TMCC3: variants seen among roughly 807,000 people sequenced by gnomAD.
TMCC3 encodes the protein transmembrane and coiled-coil domain family 3.
Under a neutral mutation model 40.2 loss-of-function variants are expected in TMCC3, and 28 were observed. The observed-to-expected ratio is 0.70, with a 90% confidence interval of 0.52 to 0.95. TMCC3 has a LOEUF of 0.95. Ranked by LOEUF, TMCC3 falls within the 40% of genes least tolerant of loss-of-function variation. The pLI is 0.00. For missense variants in TMCC3, 554 were observed against 615.2 expected, an observed-to-expected ratio of 0.90 and a Z score of 1.05; for synonymous variants, 255 against 248.5, an observed-to-expected ratio of 1.03 and a Z score of -0.25.
intron 1 of TMCC3, among the ~76,000 whole-genome samples, chr12:94,624,287 C>T (rs1205582015): frequency 1.3e-5 from 2 of 152,192 alleles, no homozygotes; most frequent in South Asian, 4.2e-4. Context: ...AGGTATGTAC[C>T]CAAGAGAAAT....
intron 1 of TMCC3, chr12:94,591,078 T>G (rs963575329): frequency 5.9e-6 from 3 of 505,140 alleles, no homozygotes; most frequent in African/African-American, 5.9e-5. Flanking sequence ...CAATGCTCTT[T>G]GTCCTGGGAG....
At chr12:94,597,136 T>A (rs1488936366) in intron 1 of TMCC3, among the ~76,000 whole-genome samples, 1 of 11,322 alleles carries the variant, frequency 8.8e-5, no homozygotes, top group African/African-American at 2.0e-4. Flanking sequence ...TATATATATA[T>A]ATATATATAT....
chr12:94,637,172 T>C (rs2068964920), intron 1 of TMCC3, among the ~76,000 whole-genome samples: 1 of 152,180 alleles, frequency 6.6e-6, no homozygotes, highest in Admixed American at 6.5e-5. Flanking sequence ...AGAACATACA[T>C]ATAAACAGCT....
chr12:94,607,606 A>T (rs2068791442), intron 1 of TMCC3, among the ~76,000 whole-genome samples: 1 of 152,146 alleles, frequency 6.6e-6, no homozygotes, highest in East Asian at 1.9e-4. Flanking sequence ...GGGTTTCACC[A>T]TGTTGGCCAG....
At chr12:94,631,219 C>A (rs577926597) in intron 1 of TMCC3, among the ~76,000 whole-genome samples, 20 of 152,190 alleles carry the variant, frequency 1.3e-4, no homozygotes, top group Non-Finnish European at 2.8e-4. Flanking sequence ...TATGGAACCT[C>A]TCCCTAGAAA....
At chr12:94,640,736 C>A (rs759754229) in intron 1 of TMCC3, among the ~76,000 whole-genome samples, 2 of 152,194 alleles carry the variant, frequency 1.3e-5, no homozygotes, top group African/African-American at 4.8e-5. Context: ...GGTTTCCCAA[C>A]ACCGCTTCTA....
chr12:94,617,177 C>T (rs1023497115), intron 1 of TMCC3, among the ~76,000 whole-genome samples: 4 of 152,200 alleles, frequency 2.6e-5, no homozygotes, highest in Non-Finnish European at 1.5e-5. Context: ...GAATTTTCAG[C>T]CTCAGACATG....
chr12:94,629,079 A>C (rs1446991742), intron 1 of TMCC3, among the ~76,000 whole-genome samples: 1 of 152,198 alleles, frequency 6.6e-6, no homozygotes, highest in Non-Finnish European at 1.5e-5. Context: ...GAGTCAAATC[A>C]AAGAACCTAG....
chr12:94,578,399 T>C lies in TMCC3; in HGVS notation c.1126A>G (p.Ile376Val). The C allele has an allele frequency of 6.2e-7, 1 of 1,613,762 alleles. No homozygotes were observed. The highest frequency in any genetic ancestry group is 1.7e-4 in the Middle Eastern group (1 of 6,056). Residue 376 changes from isoleucine to valine, a missense_variant, in exon 3 of 4, where the codon ATC becomes GTC. Coordinates refer to ENST00000261226, the MANE Select transcript of TMCC3 (RefSeq NM_020698.4). The stretch of plus-strand genomic sequence containing the variant: ...AATCACAAAGGGAAAGGTACCTGGA[T>C]GTCCCGCGAGCGCTCGTAGGCCTGG... ...AYQAYERSRD[I>V]QEALESCQTR...
chr12:94,619,771 TGGGAGGAAC>T (rs2068865520), intron 1 of TMCC3, among the ~76,000 whole-genome samples: 1 of 152,224 alleles, frequency 6.6e-6, no homozygotes, highest in Admixed American at 6.5e-5. Context: ...AACATCATCC[TGGGAGGAAC>T]TTAAATCGCA....
Position 94,582,057 on chromosome 12 carries a change from C to T in TMCC3, c.560G>A (p.Gly187Asp). The T allele has an allele frequency of 6.2e-7, 1 of 1,614,168 alleles. No homozygotes were observed. The stretch of plus-strand genomic sequence containing the variant: ...TGGAGTAAGTGAGACCCCTGGCATG[C>T]CCGATTTGCTGCTCTCCATGCAATG... ...APHCMESSKS[G>D]MPGVSLTPPV... Residue 187 changes from glycine (G) to aspartate (D), a missense_variant, in exon 2 of 4, where the codon GGC (glycine) becomes GAC (aspartate). Coordinates refer to ENST00000261226, the MANE Select transcript of TMCC3 (RefSeq NM_020698.4).
intron 1 of TMCC3, among the ~76,000 whole-genome samples, chr12:94,648,800 C>T (rs1161494673): frequency 6.6e-6 from 1 of 152,224 alleles, no homozygotes; most frequent in Non-Finnish European, 1.5e-5. Flanking sequence ...GCTAAGATTA[C>T]TAATCTTGTT....
chr12:94,571,657 G>A lies in TMCC3; in HGVS notation c.1212C>T (p.Thr404=), dbSNP rs1324542089. Residue 404 remains threonine, a synonymous_variant, in exon 4 of 4, where the codon ACC becomes ACT. Coordinates refer to ENST00000261226, the MANE Select transcript of TMCC3 (RefSeq NM_020698.4). Reference sequence around the variant, plus strand: ...TCCCCAGGAGAACTTTAGCATTCACGGTGTCTGTCTGCAGAGCTTGCTGCT... The same window carrying A: ...TCCCCAGGAGAACTTTAGCATTCACAGTGTCTGTCTGCAGAGCTTGCTGCT... The part of the protein sequence containing the change: ...QQEQQALQTD[T]VNAKVLLGRC... The A allele has an allele frequency of 6.2e-6, 10 of 1,614,202 alleles. No homozygotes were observed. Among genetic ancestry groups the A allele is most frequent in the Middle Eastern group, 1.6e-4 (1 of 6,062 alleles).
intron 1 of TMCC3, among the ~76,000 whole-genome samples, chr12:94,596,482 G>GTC (rs2068715942): frequency 6.6e-6 from 1 of 152,168 alleles, no homozygotes; most frequent in Non-Finnish European, 1.5e-5. Context: ...GTCAAACGAT[G>GTC]TCTCTTCCAC....
chr12:94,599,564 C>CT (rs772616886), intron 1 of TMCC3, among the ~76,000 whole-genome samples: 1 of 139,370 alleles, frequency 7.2e-6, no homozygotes, highest in Non-Finnish European at 1.6e-5. Context: ...ATACCCCCCC[C>CT]CCCGCCCACA....
intron 1 of TMCC3, chr12:94,644,460 G>A (rs1397983339): frequency 1.0e-6 from 1 of 985,024 alleles, no homozygotes; most frequent in Non-Finnish European, 1.2e-6. Flanking sequence ...ATCCAACTTG[G>A]TAGCAGCTGT....
At chr12:94,610,341 G>A (rs1594286440) in intron 1 of TMCC3, among the ~76,000 whole-genome samples, 1 of 151,588 alleles carries the variant, frequency 6.6e-6, no homozygotes, top group East Asian at 1.9e-4. Context: ...TCACCATCAT[G>A]ATCACCACAA....
intron 3 of TMCC3, among the ~76,000 whole-genome samples, chr12:94,572,815 G>A (rs369396064): frequency 1.1e-4 from 16 of 152,112 alleles, no homozygotes; most frequent in Non-Finnish European, 1.5e-4. Flanking sequence ...GGAGGAAGGC[G>A]AGAGAAGGGA....
At position 94,592,466 on chromosome 12, in the gene TMCC3, C is replaced by G. The variant is rs2068682333; in HGVS notation, c.79-9928G>C. On this transcript the variant is annotated intron_variant, in intron 1 of 3. Transcript: ENST00000261226. ...ACCAGCCTGGCCTACATGGTGAAACCCTGTCTCTACTAAAAATGCAAAAAA... is the reference window on the plus strand; with the variant it reads ...ACCAGCCTGGCCTACATGGTGAAACGCTGTCTCTACTAAAAATGCAAAAAA... Among the ~76,000 whole-genome samples the G allele has an allele frequency of 2.3e-5, 3 of 131,072 alleles. No homozygotes were observed. In the Admixed American group the frequency reaches 2.5e-4, roughly 11 times the overall value. The allele number at this position is 131,072 out of a possible 152,430, so 86.0% of individuals were successfully genotyped here. A position where few individuals can be genotyped will look rare whatever the true frequency, so the allele number is the denominator to read the frequency against.
Sources: allele counts gnomAD v4.1 joint callset (sites outside exome capture counted in the v4.1 genomes callset), GRCh38; gene constraint gnomAD v4.1.1; transcripts MANE v1.5; gene names NCBI Gene and HGNC (gene_info 2026-07-23, HGNC 2026-07-21).